TEX9: variants seen among roughly 807,000 people sequenced by gnomAD.
The protein encoded by TEX9 is testis expressed 9.
In TEX9, 74 loss-of-function variants were observed where a neutral mutation model predicts 59.6. That is an observed-to-expected ratio of 1.24 (90% confidence interval 1.03 to 1.51). TEX9 has a LOEUF of 1.51. Ranked by LOEUF, TEX9 falls within the 40% of genes most tolerant of loss-of-function variation. The pLI is 0.00. For missense variants in TEX9, 522 were observed against 447.8 expected, an observed-to-expected ratio of 1.17 and a Z score of -1.49; for synonymous variants, 186 against 152.2, an observed-to-expected ratio of 1.22 and a Z score of -1.64.
chr15:56,328,420 T>A (rs1247991331), intron 1 of TEX9, among the ~76,000 whole-genome samples: 1 of 152,122 alleles, frequency 6.6e-6, no homozygotes, highest in Non-Finnish European at 1.5e-5. Context: ...AAAGGGGATT[T>A]TGTCTTGCAC....
chr15:56,396,874 A>C (rs1277527333), intron 9 of TEX9: 1 of 152,060 alleles, frequency 6.6e-6, no homozygotes, highest in East Asian at 1.9e-4. Flanking sequence ...AGTCCAATAA[A>C]CCTCTCTCTT....
chr15:56,442,566 G>T (rs1300054805), intron 12 of TEX9, among the ~76,000 whole-genome samples: 1 of 152,156 alleles, frequency 6.6e-6, no homozygotes, highest in African/African-American at 2.4e-5. Context: ...CCATAAAAAA[G>T]AACAAAATCA....
At chr15:56,306,626 G>A (rs778035754) in intron 1 of TEX9, among the ~76,000 whole-genome samples, 16 of 152,114 alleles carry the variant, frequency 1.1e-4, no homozygotes, top group Non-Finnish European at 2.1e-4. Context: ...TAGAGTTGGG[G>A]GAAGTGGGAA....
chr15:56,447,181 C>T (rs984389950), downstream of TEX9: 1 of 353,598 alleles, frequency 2.8e-6, no homozygotes, highest in Non-Finnish European at 5.2e-6. Context: ...TTTGCTTATC[C>T]TGTGTCAATA....
chr15:56,299,125 G>C (rs530781083), intron 1 of TEX9, among the ~76,000 whole-genome samples: 37 of 152,306 alleles, frequency 2.4e-4, no homozygotes, highest in African/African-American at 8.7e-4. Flanking sequence ...GAACTGAAGG[G>C]AGAAGGAAAG....
At chr15:56,342,407 C>T (rs1448497225) in intron 1 of TEX9, among the ~76,000 whole-genome samples, 1 of 152,074 alleles carries the variant, frequency 6.6e-6, no homozygotes. Context: ...AAAATCAAAA[C>T]TTAAGAATAG....
chr15:56,426,179 A>G (rs2050232666), intron 10 of TEX9, among the ~76,000 whole-genome samples: 1 of 152,084 alleles, frequency 6.6e-6, no homozygotes, highest in Admixed American at 6.6e-5. Context: ...TGTTCCCATC[A>G]GTACTGAGTC....
chr15:56,288,497 C>T (rs1164223867), intron 1 of TEX9, among the ~76,000 whole-genome samples: 2 of 152,036 alleles, frequency 1.3e-5, no homozygotes, highest in African/African-American at 2.4e-5. Flanking sequence ...CTGAAGGATA[C>T]GTCTACCAGA....
intron 12 of TEX9, chr15:56,444,667 C>G: frequency 1.2e-6 from 2 of 1,610,390 alleles, no homozygotes; most frequent in Admixed American, 3.4e-5. Context: ...ATTTCAGCAT[C>G]ACGTTTCTGT....
chr15:56,251,901 G>A (rs1367007475), intron 1 of TEX9, among the ~76,000 whole-genome samples: 3 of 152,156 alleles, frequency 2.0e-5, no homozygotes, highest in African/African-American at 7.2e-5. Flanking sequence ...GAGCTGGGGA[G>A]TGAAAAGTTT....
At chr15:56,447,623 A>G (rs1478577748), downstream of TEX9, 1 of 152,224 alleles carries the variant, frequency 6.6e-6, no homozygotes, top group East Asian at 1.9e-4. Context: ...ATACCCAACA[A>G]TATCACTGAA....
the TEX9 span, among the ~76,000 whole-genome samples, chr15:56,451,658 G>A: frequency 2.0e-5 from 3 of 152,110 alleles, no homozygotes; most frequent in African/African-American, 7.2e-5. Context: ...GACAGTCTCT[G>A]ATTAATGATG....
intron 1 of TEX9, among the ~76,000 whole-genome samples, chr15:56,358,269 G>T (rs2046721464): frequency 6.6e-6 from 1 of 151,802 alleles, no homozygotes; most frequent in African/African-American, 2.4e-5. Context: ...AAGAGATCTG[G>T]AGAATGAGAT....
At chr15:56,453,307 C>T in the TEX9 span, among the ~76,000 whole-genome samples, 1 of 152,104 alleles carries the variant, frequency 6.6e-6, no homozygotes, top group Non-Finnish European at 1.5e-5. Context: ...CATTTTTCTT[C>T]TTCTATTAAT....
At chr15:56,373,414 T>A in intron 2 of TEX9, 27 bp from the exon 3 acceptor site, 1 of 1,585,672 alleles carries the variant, frequency 6.3e-7, no homozygotes, top group South Asian at 1.2e-5. Flanking sequence ...AGATCTTCAG[T>A]ATATCCCAAT....
At chr15:56,385,571 G>T (rs1001472058) in intron 4 of TEX9, among the ~76,000 whole-genome samples, 2 of 152,080 alleles carry the variant, frequency 1.3e-5, no homozygotes, top group South Asian at 4.1e-4. Context: ...GAGAAAGAGA[G>T]GTCAGGTGAA....
chr15:56,380,772 G>T (rs1326922975), intron 3 of TEX9, among the ~76,000 whole-genome samples: 3 of 152,176 alleles, frequency 2.0e-5, no homozygotes, highest in African/African-American at 7.2e-5. Flanking sequence ...GGTTTCCACG[G>T]AGAAGTCTGC....
chr15:56,398,277 AAAT>A (rs1265373904), intron 9 of TEX9: 1 of 152,246 alleles, frequency 6.6e-6, no homozygotes, highest in African/African-American at 2.4e-5. Flanking sequence ...TTATATGTTG[AAAT>A]AATATTTGAA....
chr15:56,309,156 A>G (rs898712892), intron 1 of TEX9, among the ~76,000 whole-genome samples: 13 of 152,304 alleles, frequency 8.5e-5, no homozygotes, highest in Non-Finnish European at 1.6e-4. Context: ...TCTTAACAAC[A>G]TTAGGACGTT....
Sources: gnomAD v4.1 joint callset for allele counts (sites outside exome capture counted in the v4.1 genomes callset) on GRCh38, gnomAD v4.1.1 for gene constraint, MANE v1.5 for transcripts, NCBI Gene and HGNC (gene_info 2026-07-23, HGNC 2026-07-21) for gene names.